IQGAP2: variants seen among roughly 807,000 people sequenced by gnomAD.
IQGAP2 encodes IQ motif containing GTPase activating protein 2, also known as ras GTPase-activating-like protein IQGAP2.
IQGAP2 carries 173 observed loss-of-function variants against 201.3 expected under a neutral mutation model. That is an observed-to-expected ratio of 0.86 (90% confidence interval 0.76 to 0.98). IQGAP2 has a LOEUF of 0.98. Ranked by LOEUF, IQGAP2 falls within the 50% of genes least tolerant of loss-of-function variation. The pLI, the probability that IQGAP2 is intolerant of heterozygous loss-of-function variation, is 0.00. For synonymous variants in IQGAP2, 675 were observed against 673.9 expected (o/e 1.00, Z -0.03); for missense variants, 1,687 against 1,864.8 (o/e 0.90, Z 1.76).
chr5:76,421,498 T>G (rs1478865857), intron 1 of IQGAP2, among the ~76,000 whole-genome samples: 2 of 152,062 alleles, frequency 1.3e-5, no homozygotes, highest in Non-Finnish European at 2.9e-5. Context: ...GTGTCTGTAG[T>G]CCCAGCTACT....
intron 3 of IQGAP2, among the ~76,000 whole-genome samples, chr5:76,565,143 G>A (rs185940694): frequency 6.6e-6 from 1 of 152,302 alleles, no homozygotes; most frequent in African/African-American, 2.4e-5. Context: ...CTGATCTTGT[G>A]TTCTTCAGGA....
intron 1 of IQGAP2, among the ~76,000 whole-genome samples, chr5:76,446,008 G>A (rs1265285720): frequency 6.6e-6 from 1 of 152,146 alleles, no homozygotes; most frequent in East Asian, 1.9e-4. Context: ...ACTGTAGCAT[G>A]TGTCAGTATT....
At chr5:76,589,752 T>G (rs775990353) in intron 7 of IQGAP2, 24 bp downstream of exon 7, 1 of 1,355,548 alleles carries the variant, frequency 7.4e-7, no homozygotes, top group South Asian at 1.3e-5. Flanking sequence ...AAATCCAAAC[T>G]TGCCATGGAT....
At chr5:76,501,891 C>T (rs1024450039) in intron 2 of IQGAP2, among the ~76,000 whole-genome samples, 1 of 151,998 alleles carries the variant, frequency 6.6e-6, no homozygotes, top group Admixed American at 6.6e-5. Flanking sequence ...GATCCACCCA[C>T]CTCGGCCTCC....
chr5:76,609,127 G>A (rs2150336461), intron 12 of IQGAP2: 1 of 1,535,842 alleles, frequency 6.5e-7, no homozygotes, highest in Non-Finnish European at 8.7e-7. Flanking sequence ...GCAGCAGACA[G>A]CAACTTTAGC....
At chr5:76,496,733 C>CTT (rs759246241) in intron 2 of IQGAP2, among the ~76,000 whole-genome samples, 2 of 37,642 alleles carry the variant, frequency 5.3e-5, no homozygotes, top group Admixed American at 6.6e-4. Context: ...TCTTTTCTTT[C>CTT]TTTCTTTCTT....
At chr5:76,676,494 A>G (rs184555663) in intron 27 of IQGAP2, among the ~76,000 whole-genome samples, 3 of 152,376 alleles carry the variant, frequency 2.0e-5, no homozygotes, top group Admixed American at 6.5e-5. Flanking sequence ...TTACAACTTT[A>G]TAGAATAAAA....
chr5:76,502,521 C>T (rs1200779313), intron 2 of IQGAP2, among the ~76,000 whole-genome samples: 1 of 152,168 alleles, frequency 6.6e-6, no homozygotes, highest in Non-Finnish European at 1.5e-5. Flanking sequence ...TGGAGGAAGG[C>T]AGTCAGTCAC....
chr5:76,486,696 G>A (rs1031316481), intron 2 of IQGAP2, among the ~76,000 whole-genome samples: 2 of 152,058 alleles, frequency 1.3e-5, no homozygotes, highest in Non-Finnish European at 1.5e-5. Context: ...CCTTAAAAGT[G>A]ACAACACCCA....
At chr5:76,654,808 T>A (rs1288956427) in intron 19 of IQGAP2, 126 bp from the exon 20 acceptor site, 1 of 627,408 alleles carries the variant, frequency 1.6e-6, no homozygotes, top group Non-Finnish European at 2.8e-6. Context: ...ATACACCACA[T>A]TGAAATACTG....
At chr5:76,512,613 T>C (rs1292490966) in intron 2 of IQGAP2, among the ~76,000 whole-genome samples, 1 of 152,220 alleles carries the variant, frequency 6.6e-6, no homozygotes, top group East Asian at 1.9e-4. Flanking sequence ...ACTGGAGTGC[T>C]TCTCAGATGT....
intron 1 of IQGAP2, among the ~76,000 whole-genome samples, chr5:76,448,411 G>A (rs1201359602): frequency 6.6e-6 from 1 of 152,028 alleles, no homozygotes; most frequent in Non-Finnish European, 1.5e-5. Flanking sequence ...TTTTATTGCT[G>A]GATCTCTTCT....
In IQGAP2 at chr5:76,674,686, A is replaced by T; in HGVS notation, c.3504A>T (p.Leu1168Phe). The change falls in exon 27 of 36, where the codon TTA becomes TTT. Residue 1168 changes from leucine (L) to phenylalanine (F), a missense_variant. By Grantham distance (22) the Leu-to-Phe change is conservative. Transcript: ENST00000274364. ...NEHLSSMNNY[L>F]SETYQEFRKY... ...ATCTCTCATCTATGAACAATTATTTATCAGAGACGTATCAGGAATTCAGGT... is the reference window on the plus strand; with the variant it reads ...ATCTCTCATCTATGAACAATTATTTTTCAGAGACGTATCAGGAATTCAGGT... 1.2e-6 allele frequency: 2 copies of T among 1,613,594 alleles called. No individual in the cohort carries two copies. Among genetic ancestry groups the T allele is most frequent in the Non-Finnish European group, 1.7e-6 (2 of 1,179,470 alleles).
chr5:76,611,917 T>C (rs1748444375), intron 13 of IQGAP2, among the ~76,000 whole-genome samples: 1 of 152,148 alleles, frequency 6.6e-6, no homozygotes, highest in Non-Finnish European at 1.5e-5. Context: ...GGCTGCCATG[T>C]CTTCAGGTGC....
At chr5:76,485,461 T>G (rs1756067601) in intron 2 of IQGAP2, among the ~76,000 whole-genome samples, 1 of 152,198 alleles carries the variant, frequency 6.6e-6, no homozygotes, top group Admixed American at 6.5e-5. Context: ...TAAACAAACC[T>G]TTTTTCCCCC....
chr5:76,496,734 TTTCTTTCTTTCTTTCTTTCTTTCTTTC>T (rs1756948879), intron 2 of IQGAP2, among the ~76,000 whole-genome samples: 3 of 38,444 alleles, frequency 7.8e-5, no homozygotes, highest in African/African-American at 3.2e-4. Context: ...CTTTTCTTTC[TTTCTTTCTTTCTTTCTTTCTTTCTTTC>T]TTTCTTTCTT....
chr5:76,459,893 C>T (rs1054360773), intron 1 of IQGAP2, among the ~76,000 whole-genome samples: 3 of 152,138 alleles, frequency 2.0e-5, no homozygotes, highest in Non-Finnish European at 2.9e-5. Flanking sequence ...CCTGCCTCGA[C>T]CTCCCAAAGT....
intron 16 of IQGAP2, among the ~76,000 whole-genome samples, chr5:76,640,051 A>G (rs968188259): frequency 1.3e-5 from 2 of 152,248 alleles, no homozygotes; most frequent in African/African-American, 4.8e-5. Flanking sequence ...ATCAAGCATC[A>G]GTCTGTTAAG....
intron 13 of IQGAP2, chr5:76,618,715 A>G: frequency 3.9e-6 from 5 of 1,277,856 alleles, no homozygotes; most frequent in Non-Finnish European, 4.3e-6. Context: ...TTATTTGTAA[A>G]TAATTTCTGT....
Sources: gnomAD v4.1 joint callset for allele counts (sites outside exome capture counted in the v4.1 genomes callset) on GRCh38, gnomAD v4.1.1 for gene constraint, MANE v1.5 for transcripts, NCBI Gene and HGNC (gene_info 2026-07-23, HGNC 2026-07-21) for gene names.